The following NUP210L variants were observed in gnomAD, a reference collection of about 807,000 sequenced individuals.
NUP210L encodes the protein nucleoporin 210 like.
A neutral mutation model predicts 208.5 loss-of-function variants in NUP210L; 74 were observed. The observed-to-expected ratio is 0.35, with a 90% confidence interval of 0.29 to 0.43. The LOEUF (loss-of-function observed/expected upper bound fraction) is 0.43. Among genes scored for constraint, NUP210L ranks in the 20% least tolerant of loss-of-function variants. NUP210L has a pLI of 1.00. For synonymous variants in NUP210L, 780 were observed against 816.9 expected, an observed-to-expected ratio of 0.95 and a Z score of 0.77; for missense variants, 1,843 against 2,289.4, an observed-to-expected ratio of 0.81 and a Z score of 3.98.
Position 154,012,584 on chromosome 1 carries a change from C to T in NUP210L, c.4654-214G>A, listed in dbSNP as rs542765077. On this transcript the variant is annotated intron_variant, in intron 33 of 39. Transcript: ENST00000368559. Reference sequence around the variant, plus strand: ...TTTAATCAGGGTCTTGCTCTGTCACCCAGGCTGGAGTGCAGTGGCATGATC... The same window carrying T: ...TTTAATCAGGGTCTTGCTCTGTCACTCAGGCTGGAGTGCAGTGGCATGATC... Among the ~76,000 whole-genome samples the T allele has an allele frequency of 1.9e-3, 287 of 151,888 alleles. 1 individual carries two copies. The highest frequency in any genetic ancestry group is 2.8e-3 in the Non-Finnish European group (193 of 67,938).
intron 23 of NUP210L, among the ~76,000 whole-genome samples, chr1:154,055,160 T>TTTCTTTCTTTC (rs1557944299): frequency 5.7e-5 from 7 of 122,178 alleles, no homozygotes; most frequent in Non-Finnish European, 1.0e-4. Context: ...TCTTTCTTTC[T>TTTCTTTCTTTC]TTCTTTCTTT....
intron 4 of NUP210L, 30 bp downstream of exon 4, chr1:154,141,401 C>A: frequency 1.5e-6 from 2 of 1,341,756 alleles, no homozygotes; most frequent in South Asian, 2.3e-5. Context: ...TCTTCATAGT[C>A]AGATGATTTA....
At chr1:154,148,971 TAGAGA>T (rs1659245571) in intron 2 of NUP210L, among the ~76,000 whole-genome samples, 1 of 151,966 alleles carries the variant, frequency 6.6e-6, no homozygotes, top group African/African-American at 2.4e-5. Context: ...CCCTTTTCAG[TAGAGA>T]AATGTGTAGC....
At chr1:154,152,584 T>G in intron 2 of NUP210L, 152 bp downstream of exon 2, 1 of 631,184 alleles carries the variant, frequency 1.6e-6, no homozygotes, top group Non-Finnish European at 2.7e-6. Context: ...AGTGCTGGGA[T>G]TAAAGGCGTG....
intron 12 of NUP210L, among the ~76,000 whole-genome samples, chr1:154,111,051 T>C (rs1397424204): frequency 8.0e-6 from 1 of 124,870 alleles, no homozygotes; most frequent in Admixed American, 8.1e-5. Context: ...TTAGCCAGAC[T>C]AAAAAAAAAA....
chr1:154,146,619 T>TCCCCCCCCCCCCCCCC (rs1178482684), intron 2 of NUP210L, among the ~76,000 whole-genome samples: 1 of 76,920 alleles, frequency 1.3e-5, no homozygotes, highest in Non-Finnish European at 2.5e-5. Flanking sequence ...CCATCCCCCC[T>TCCCCCCCCCCCCCCCC]CCCCCCCCCA....
chr1:154,078,777 T>G (rs1443401171), intron 16 of NUP210L: 1 of 152,008 alleles, frequency 6.6e-6, no homozygotes, highest in South Asian at 2.1e-4. Flanking sequence ...TACTAAAGAT[T>G]AAGATGTTAA....
chr1:154,047,447 G>A (rs562946928), intron 25 of NUP210L, among the ~76,000 whole-genome samples: 112 of 152,000 alleles, frequency 7.4e-4, no homozygotes, highest in Non-Finnish European at 1.3e-3. Flanking sequence ...TGACATGTTC[G>A]TTATGGCCAT....
At chr1:154,056,187 T>G (rs1460472308) in intron 23 of NUP210L, among the ~76,000 whole-genome samples, 2 of 152,224 alleles carry the variant, frequency 1.3e-5, no homozygotes, top group Non-Finnish European at 2.9e-5. Flanking sequence ...GGTATCATTC[T>G]GTCACCCAGA....
At chr1:154,100,593 A>T (rs1307525027) in intron 13 of NUP210L, among the ~76,000 whole-genome samples, 14 of 131,580 alleles carry the variant, frequency 1.1e-4, no homozygotes, top group African/African-American at 4.1e-4. Flanking sequence ...ATCTTGGCTC[A>T]CTGCAACCTC....
intron 35 of NUP210L, among the ~76,000 whole-genome samples, chr1:154,004,946 T>C (rs945034089): frequency 7.0e-6 from 1 of 143,746 alleles, no homozygotes; most frequent in Admixed American, 7.5e-5. Flanking sequence ...CTCCACCTCC[T>C]GGGTTCAAGC....
chr1:154,146,306 A>AATTG (rs1397284387), intron 2 of NUP210L, among the ~76,000 whole-genome samples: 30 of 152,320 alleles, frequency 2.0e-4, no homozygotes, highest in African/African-American at 7.0e-4. Flanking sequence ...ATACTGACAT[A>AATTG]AATAATTGAA....
At chr1:154,103,641 C>T (rs1571276072) in intron 13 of NUP210L, among the ~76,000 whole-genome samples, 1 of 132,716 alleles carries the variant, frequency 7.5e-6, no homozygotes, top group Admixed American at 8.5e-5. Flanking sequence ...CACTGCACTC[C>T]AGCCTGGGCG....
chr1:154,016,057 C>A (rs1198890917), intron 33 of NUP210L, among the ~76,000 whole-genome samples: 6 of 151,778 alleles, frequency 4.0e-5, no homozygotes, highest in African/African-American at 1.5e-4. Context: ...GAGTTTGAGA[C>A]CAGCCTGGAC....
At chr1:154,152,471 G>C (rs1334262267) in intron 2 of NUP210L, among the ~76,000 whole-genome samples, 1 of 140,280 alleles carries the variant, frequency 7.1e-6, no homozygotes, top group Non-Finnish European at 1.5e-5. Context: ...ACCGCCCCCA[G>C]CCATAATTTT....
At chr1:153,993,568 A>G (rs566815307) in intron 38 of NUP210L, among the ~76,000 whole-genome samples, 117 of 133,660 alleles carry the variant, frequency 8.8e-4, no homozygotes, top group African/African-American at 3.7e-3. Context: ...TCTGTCTCAG[A>G]AAAAAAAAAA....
At chr1:154,052,987 T>A (rs1571216447) in intron 25 of NUP210L, among the ~76,000 whole-genome samples, 1 of 152,296 alleles carries the variant, frequency 6.6e-6, no homozygotes, top group East Asian at 1.9e-4. Context: ...GGCAGTGTAG[T>A]GGCACTTCAA....
chr1:154,029,563 C>G (rs1437311874), intron 28 of NUP210L, among the ~76,000 whole-genome samples: 2 of 151,426 alleles, frequency 1.3e-5, no homozygotes. Context: ...ATTAGCTGGG[C>G]TTGGTGGCAC....
At chr1:154,062,589 T>C (rs11586549) in intron 17 of NUP210L, among the ~76,000 whole-genome samples, 16 of 112,942 alleles carry the variant, frequency 1.4e-4, no homozygotes, top group Non-Finnish European at 2.0e-4. Context: ...TTTTTTTTTT[T>C]TGTGTGTGTG....
Sources: allele counts gnomAD v4.1 joint callset (sites outside exome capture counted in the v4.1 genomes callset), GRCh38; gene constraint gnomAD v4.1.1; transcripts MANE v1.5; gene names NCBI Gene and HGNC (gene_info 2026-07-23, HGNC 2026-07-21).